Variants in KCNIP4 observed in about 807,000 individuals in gnomAD.
KCNIP4 encodes the protein potassium voltage-gated channel interacting protein 4.
Under a neutral mutation model 34.0 loss-of-function variants are expected in KCNIP4, and 12 were observed. The observed-to-expected ratio is 0.35, with a 90% CI of 0.23 to 0.57. KCNIP4 has a LOEUF of 0.57. KCNIP4 is among the 20% of genes least tolerant of loss of function. The pLI is 0.83. For missense variants in KCNIP4, 238 were observed against 311.7 expected, an observed-to-expected ratio of 0.76 and a Z score of 1.78; for synonymous variants, 124 against 102.2, an observed-to-expected ratio of 1.21 and a Z score of -1.29.
At chr4:21,186,163 C>A (rs1755212200) in intron 1 of KCNIP4, among the ~76,000 whole-genome samples, 1 of 152,156 alleles carries the variant, frequency 6.6e-6, no homozygotes, top group Non-Finnish European at 1.5e-5. Flanking sequence ...CCTGTCTTTC[C>A]TTTTCCTCTG....
At chr4:21,060,529 C>T (rs1365418953) in intron 1 of KCNIP4, among the ~76,000 whole-genome samples, 3 of 152,150 alleles carry the variant, frequency 2.0e-5, no homozygotes, top group Non-Finnish European at 4.4e-5. Flanking sequence ...TCACAAACAC[C>T]TGTGCTTCCT....
At chr4:21,712,416 C>T (rs934571246) in intron 1 of KCNIP4, among the ~76,000 whole-genome samples, 1 of 152,192 alleles carries the variant, frequency 6.6e-6, no homozygotes, top group African/African-American at 2.4e-5. Flanking sequence ...GAGGAACCTC[C>T]TTCCCATCTT....
intron 1 of KCNIP4, among the ~76,000 whole-genome samples, chr4:21,117,722 C>A (rs144727152): frequency 1.1e-3 from 163 of 152,174 alleles, no homozygotes; most frequent in African/African-American, 3.8e-3. Context: ...CCCCTAGGTC[C>A]ATTTCTTTGT....
intron 1 of KCNIP4, among the ~76,000 whole-genome samples, chr4:21,105,125 C>T (rs564141909): frequency 6.6e-6 from 1 of 151,542 alleles, no homozygotes; most frequent in Non-Finnish European, 1.5e-5. Context: ...TTTTCCAATT[C>T]TGTGAAGAAA....
chr4:21,007,664 T>C (rs1180375396), intron 1 of KCNIP4, among the ~76,000 whole-genome samples: 1 of 152,192 alleles, frequency 6.6e-6, no homozygotes, highest in East Asian at 1.9e-4. Context: ...AACCAAGCTC[T>C]GAAGTCTAAT....
At chr4:21,596,912 C>T (rs956740494) in intron 1 of KCNIP4, among the ~76,000 whole-genome samples, 1 of 151,994 alleles carries the variant, frequency 6.6e-6, no homozygotes, top group Non-Finnish European at 1.5e-5. Flanking sequence ...AACCATCCTC[C>T]GAGGAGATGG....
chr4:21,094,069 A>G lies in KCNIP4; in HGVS notation c.62-211360T>C, dbSNP rs370703147. Among the ~76,000 whole-genome samples, 133 of 149,906 alleles carry G rather than the reference A, an allele frequency of 8.9e-4. 2 individuals carry two copies. The South Asian group carries it at 0.026, about 29-fold the overall frequency. On this transcript the variant is annotated intron_variant, in intron 1 of 8. Coordinates refer to ENST00000382152, the MANE Select transcript of KCNIP4 (RefSeq NM_025221.6). ...TGTACTCCAGCCTGGGCGACAGAGC[A>G]AGACTCCGTCTCAAAAAAAAAAGAA...
At chr4:20,970,246 T>C (rs1402051879) in intron 1 of KCNIP4, among the ~76,000 whole-genome samples, 1 of 152,166 alleles carries the variant, frequency 6.6e-6, no homozygotes, top group African/African-American at 2.4e-5. Flanking sequence ...CGGCCAGCGG[T>C]TATTCTTAGA....
intron 1 of KCNIP4, among the ~76,000 whole-genome samples, chr4:21,213,122 G>C (rs947767716): frequency 1.3e-5 from 2 of 152,138 alleles, no homozygotes; most frequent in Non-Finnish European, 2.9e-5. Context: ...CGAGGTGCAT[G>C]CTGTTTCTCC....
chr4:21,099,040 C>T (rs1395123889), intron 1 of KCNIP4, among the ~76,000 whole-genome samples: 1 of 152,182 alleles, frequency 6.6e-6, no homozygotes, highest in East Asian at 1.9e-4. Flanking sequence ...TTACTTCAGC[C>T]ATTGTGGAAG....
At chr4:21,024,619 T>G (rs1740366484) in intron 1 of KCNIP4, among the ~76,000 whole-genome samples, 2 of 152,212 alleles carry the variant, frequency 1.3e-5, no homozygotes, top group South Asian at 4.1e-4. Flanking sequence ...AAATTGTCAT[T>G]AAACACCCAG....
intron 3 of KCNIP4, among the ~76,000 whole-genome samples, chr4:20,767,815 A>G (rs16869946): frequency 0.22 from 32,702 of 152,098 alleles, 4,176 homozygotes; most frequent in East Asian, 0.3. Context: ...TTACAGTAAG[A>G]CATTTCATAG....
In KCNIP4 at chr4:21,087,377, C is replaced by T. The variant is rs544548746; in HGVS notation, c.62-204668G>A. ...ATTTTTAGTACAGATGGGGTTTCAC[C>T]GTGTTAGCCAGGATAGTCTCAATCT... On this transcript the variant is annotated intron_variant, in intron 1 of 8. Coordinates refer to ENST00000382152, the MANE Select transcript of KCNIP4 (RefSeq NM_025221.6). Among the ~76,000 whole-genome samples the T allele has an allele frequency of 1.9e-3, 289 of 152,076 alleles. 1 individual carries two copies. Among genetic ancestry groups the T allele is most frequent in the Middle Eastern group, 0.017 (5 of 292 alleles).
At chr4:21,240,217 A>C (rs1325085276) in intron 1 of KCNIP4, among the ~76,000 whole-genome samples, 3 of 99,820 alleles carry the variant, frequency 3.0e-5, no homozygotes, top group South Asian at 4.2e-4. Flanking sequence ...CACACTGGGG[A>C]CTGTTGTGGG....
chr4:20,916,925 T>C, intron 1 of KCNIP4, among the ~76,000 whole-genome samples: 1 of 146,224 alleles, frequency 6.8e-6, no homozygotes, highest in Non-Finnish European at 1.5e-5. Flanking sequence ...CCTCCCCTCC[T>C]GTCCTTTCCC....
intron 1 of KCNIP4, among the ~76,000 whole-genome samples, chr4:21,435,685 C>T (rs918667904): frequency 2.0e-5 from 3 of 152,044 alleles, no homozygotes; most frequent in Admixed American, 6.6e-5. Context: ...TTAATAAAGG[C>T]ACATTTTCTA....
chr4:21,009,523 A>G (rs1738882445), intron 1 of KCNIP4, among the ~76,000 whole-genome samples: 1 of 152,186 alleles, frequency 6.6e-6, no homozygotes, highest in Non-Finnish European at 1.5e-5. Flanking sequence ...TCATGTAGAG[A>G]ATTACAGTTA....
intron 1 of KCNIP4, among the ~76,000 whole-genome samples, chr4:21,276,843 G>A (rs192322922): frequency 2.0e-5 from 3 of 152,152 alleles, no homozygotes; most frequent in East Asian, 1.9e-4. Context: ...TTGTTTGTCC[G>A]TTTACTCATC....
chr4:21,614,124 G>A (rs1177115819), intron 1 of KCNIP4, among the ~76,000 whole-genome samples: 3 of 148,426 alleles, frequency 2.0e-5, no homozygotes, highest in African/African-American at 7.5e-5. Flanking sequence ...CAGCCTGGGT[G>A]AGAAAGCGAG....
Sources: allele counts gnomAD v4.1 joint callset (sites outside exome capture counted in the v4.1 genomes callset), GRCh38; gene constraint gnomAD v4.1.1; transcripts MANE v1.5; gene names NCBI Gene and HGNC (gene_info 2026-07-23, HGNC 2026-07-21).